PDE4D: variants seen among roughly 807,000 people sequenced by gnomAD.
PDE4D encodes 3',5'-cyclic-AMP phosphodiesterase 4D.
In PDE4D, 24 loss-of-function variants were observed where a neutral mutation model predicts 87.4. The observed-to-expected ratio is 0.27, with a 90% CI of 0.20 to 0.39. PDE4D has a LOEUF of 0.39. PDE4D is among the 10% of genes least tolerant of loss of function. The pLI is 1.00. For synonymous variants in PDE4D, 384 were observed against 383.2 expected (o/e 1.00, Z -0.02); for missense variants, 714 against 1,041.0 (o/e 0.69, Z 4.32).
intron 2 of PDE4D, among the ~76,000 whole-genome samples, chr5:60,133,062 T>A (rs1254245662): frequency 6.6e-6 from 1 of 152,120 alleles, no homozygotes; most frequent in Non-Finnish European, 1.5e-5. Context: ...TAATAAAAGC[T>A]CATGTTTCCA....
chr5:59,795,640 G>A (rs937215529), intron 1 of PDE4D, among the ~76,000 whole-genome samples: 1 of 152,118 alleles, frequency 6.6e-6, no homozygotes, highest in Non-Finnish European at 1.5e-5. Context: ...TTGGGCAGAA[G>A]GGAAACTTGC....
chr5:59,286,261 C>T (rs1313763229), intron 1 of PDE4D, among the ~76,000 whole-genome samples: 1 of 152,190 alleles, frequency 6.6e-6, no homozygotes, highest in Non-Finnish European at 1.5e-5. Context: ...AGATGTTCCA[C>T]ATGTTCTCTC....
intron 1 of PDE4D, among the ~76,000 whole-genome samples, chr5:59,763,054 G>A (rs1015836669): frequency 6.6e-6 from 1 of 151,210 alleles, no homozygotes; most frequent in Non-Finnish European, 1.5e-5. Context: ...GATCCTCTGC[G>A]AAGGAAGAAG....
chr5:60,412,857 C>T (rs1349842230), intron 1 of PDE4D, among the ~76,000 whole-genome samples: 4 of 152,086 alleles, frequency 2.6e-5, no homozygotes, highest in Admixed American at 6.5e-5. Context: ...ATAACCCTTA[C>T]AACAAATCCT....
intron 5 of PDE4D, among the ~76,000 whole-genome samples, chr5:59,171,877 AAT>A (rs1423124689): frequency 9.2e-6 from 1 of 108,874 alleles, no homozygotes; most frequent in Non-Finnish European, 1.7e-5. Context: ...TTATATGAGA[AAT>A]ATATTTATTA....
chr5:59,796,695 CTT>C (rs1475730307), intron 1 of PDE4D, among the ~76,000 whole-genome samples: 7 of 152,174 alleles, frequency 4.6e-5, no homozygotes, highest in Admixed American at 2.0e-4. Flanking sequence ...GCTTTTTCAT[CTT>C]CTTAGATGAC....
intron 1 of PDE4D, among the ~76,000 whole-genome samples, chr5:59,773,747 T>C (rs1026810350): frequency 2.0e-5 from 3 of 152,218 alleles, no homozygotes; most frequent in Admixed American, 2.0e-4. Context: ...GATAAAGTTA[T>C]ATCATCCCCT....
intron 1 of PDE4D, among the ~76,000 whole-genome samples, chr5:60,457,282 C>T (rs970391693): frequency 1.3e-5 from 2 of 151,958 alleles, no homozygotes; most frequent in African/African-American, 4.8e-5. Context: ...AGGCCTTTTT[C>T]CCTCCTGTTT....
intron 1 of PDE4D, among the ~76,000 whole-genome samples, chr5:59,395,566 C>T (rs1789238934): frequency 6.6e-6 from 1 of 150,450 alleles, no homozygotes; most frequent in African/African-American, 2.5e-5. Flanking sequence ...GACATCCACA[C>T]CAAAAACCCA....
rs183803343 is a variant in PDE4D at position 59,303,227 on chromosome 5, G to T, written c.456-87259C>A. On this transcript the variant is annotated intron_variant, in intron 1 of 14. Transcript: ENST00000340635. ...TACTCATGCCCTTAGCCTACTTTTT[G>T]ATGGGATTGTTTGTTTTTTTCTTAC... Among the ~76,000 whole-genome samples the T allele has an allele frequency of 7.7e-3, 1,174 of 152,130 alleles. 17 individuals carry two copies. The highest frequency in any genetic ancestry group is 0.025 in the African/African-American group (1,038 of 41,514).
At chr5:60,460,222 T>G in intron 1 of PDE4D, 1 of 1,418,222 alleles carries the variant, frequency 7.1e-7, no homozygotes, top group Non-Finnish European at 9.9e-7. Context: ...CTTTCCAGAT[T>G]TCCATTTCAT....
At chr5:59,806,035 C>T (rs973045680) in intron 1 of PDE4D, among the ~76,000 whole-genome samples, 5 of 152,212 alleles carry the variant, frequency 3.3e-5, no homozygotes, top group Non-Finnish European at 5.9e-5. Context: ...TCCTTATCTC[C>T]TTCCTTTTCA....
At chr5:59,772,890 A>G (rs1763717888) in intron 1 of PDE4D, among the ~76,000 whole-genome samples, 1 of 152,200 alleles carries the variant, frequency 6.6e-6, no homozygotes, top group Non-Finnish European at 1.5e-5. Flanking sequence ...TGAACCCCAG[A>G]AGTACTAGTT....
At chr5:59,347,896 T>G (rs1024745565) in intron 1 of PDE4D, among the ~76,000 whole-genome samples, 3 of 152,180 alleles carry the variant, frequency 2.0e-5, no homozygotes, top group Non-Finnish European at 4.4e-5. Context: ...CACAGATGTA[T>G]GGAATGGATA....
intron 1 of PDE4D, among the ~76,000 whole-genome samples, chr5:59,426,823 G>C (rs1050254307): frequency 8.6e-5 from 13 of 152,008 alleles, no homozygotes; most frequent in African/African-American, 2.9e-4. Flanking sequence ...ATTATAGCAA[G>C]ACAACAGAAC....
At chr5:59,450,971 T>C (rs1463136701) in intron 1 of PDE4D, among the ~76,000 whole-genome samples, 1 of 152,216 alleles carries the variant, frequency 6.6e-6, no homozygotes, top group Non-Finnish European at 1.5e-5. Context: ...CCTATCCAGA[T>C]ACTTCTTACC....
intron 5 of PDE4D, among the ~76,000 whole-genome samples, chr5:59,141,757 A>G (rs1456500792): frequency 2.6e-5 from 4 of 152,186 alleles, no homozygotes; most frequent in Admixed American, 6.5e-5. Flanking sequence ...GGCAGCCTAC[A>G]TGTTCCTGAA....
At chr5:59,734,609 A>G (rs1012227347) in intron 1 of PDE4D, among the ~76,000 whole-genome samples, 5 of 152,154 alleles carry the variant, frequency 3.3e-5, no homozygotes, top group Admixed American at 6.6e-5. Context: ...CTAGATAGAT[A>G]TGAGAGAACT....
chr5:59,072,961 G>A (rs1160689749), intron 5 of PDE4D, among the ~76,000 whole-genome samples: 3 of 152,090 alleles, frequency 2.0e-5, no homozygotes, highest in East Asian at 1.9e-4. Context: ...GTCATGAATC[G>A]CTTAGATGGA....
Sources: allele counts gnomAD v4.1 joint callset (sites outside exome capture counted in the v4.1 genomes callset), GRCh38; gene constraint gnomAD v4.1.1; transcripts MANE v1.5; gene names NCBI Gene and HGNC (gene_info 2026-07-23, HGNC 2026-07-21).